The following NR6A1 variants were observed in gnomAD, a reference collection of about 807,000 sequenced individuals.
The protein encoded by NR6A1 is retinoic acid receptor-related testis-associated receptor.
Under a neutral mutation model 59.1 loss-of-function variants are expected in NR6A1, and 7 were observed. The ratio of observed to expected loss-of-function variants is 0.12; its 90% confidence interval spans 0.07 to 0.22. NR6A1 has a LOEUF of 0.22. Ranked by LOEUF, NR6A1 falls within the 10% of genes least tolerant of loss-of-function variation. NR6A1 has a pLI of 1.00. For synonymous variants in NR6A1, 243 were observed against 236.1 expected (o/e 1.03, Z -0.27); for missense variants, 468 against 611.6 (o/e 0.77, Z 2.48).
chr9:124,558,655 G>A (rs950920967), intron 2 of NR6A1, among the ~76,000 whole-genome samples: 2 of 152,138 alleles, frequency 1.3e-5, no homozygotes, highest in Non-Finnish European at 2.9e-5. Flanking sequence ...TTTTACAGAT[G>A]AGGAAATGGA....
chr9:124,666,908 T>C (rs1412678201), intron 2 of NR6A1, among the ~76,000 whole-genome samples: 4 of 152,144 alleles, frequency 2.6e-5, no homozygotes, highest in East Asian at 1.9e-4. Flanking sequence ...GGGGAAATAA[T>C]ACCACTTTAT....
At chr9:124,660,442 C>T (rs921103584) in intron 2 of NR6A1, among the ~76,000 whole-genome samples, 1 of 152,094 alleles carries the variant, frequency 6.6e-6, no homozygotes, top group Admixed American at 6.6e-5. Flanking sequence ...TTCGAAAAGT[C>T]CATTCATATA....
intron 2 of NR6A1, among the ~76,000 whole-genome samples, chr9:124,704,946 G>C (rs1487157059): frequency 1.3e-5 from 2 of 152,186 alleles, no homozygotes; most frequent in Admixed American, 1.3e-4. Flanking sequence ...ATGTTGCCCA[G>C]GCTGGTCTAG....
At chr9:124,692,041 T>C (rs557696830) in intron 2 of NR6A1, among the ~76,000 whole-genome samples, 2 of 152,320 alleles carry the variant, frequency 1.3e-5, no homozygotes, top group South Asian at 2.1e-4. Context: ...CTCCTGGCAA[T>C]GTAACTTTAG....
At chr9:124,731,620 A>G (rs939144178) in intron 2 of NR6A1, among the ~76,000 whole-genome samples, 11 of 151,966 alleles carry the variant, frequency 7.2e-5, no homozygotes, top group African/African-American at 2.7e-4. Context: ...AGCAAGACCA[A>G]CCCCTCTTTC....
intron 7 of NR6A1, among the ~76,000 whole-genome samples, chr9:124,535,162 G>A (rs1178045919): frequency 6.6e-6 from 1 of 151,966 alleles, no homozygotes; most frequent in East Asian, 1.9e-4. Context: ...CACACTATAG[G>A]CACCAAAATG....
intron 2 of NR6A1, among the ~76,000 whole-genome samples, chr9:124,681,437 G>A (rs1207825926): frequency 2.6e-5 from 4 of 151,060 alleles, no homozygotes; most frequent in South Asian, 2.1e-4. Flanking sequence ...CACCTTCCGG[G>A]TTCAGGCGAT....
At chr9:124,536,272 T>A in intron 6 of NR6A1, 140 bp from the exon 7 acceptor site, 1 of 945,248 alleles carries the variant, frequency 1.1e-6, no homozygotes, top group Admixed American at 2.3e-5. Flanking sequence ...TCCAGTTCCA[T>A]TCAGTGTGAT....
intron 2 of NR6A1, among the ~76,000 whole-genome samples, chr9:124,568,169 C>CAAAAA (rs34652433): frequency 0.011 from 332 of 30,444 alleles, 34 homozygotes; most frequent in African/African-American, 0.034. Context: ...TACTTCATCT[C>CAAAAA]AAAAAAAAAA....
At chr9:124,523,363 G>T (rs1479535940) in intron 9 of NR6A1, among the ~76,000 whole-genome samples, 1 of 152,190 alleles carries the variant, frequency 6.6e-6, no homozygotes, top group Non-Finnish European at 1.5e-5. Flanking sequence ...AGAGCATTCA[G>T]TGTGCTAATA....
intron 2 of NR6A1, among the ~76,000 whole-genome samples, chr9:124,621,734 G>C (rs1301707122): frequency 6.6e-6 from 1 of 152,118 alleles, no homozygotes. Context: ...AGTTTAATTT[G>C]AACATACTGT....
intron 2 of NR6A1, among the ~76,000 whole-genome samples, chr9:124,707,040 A>G (rs1839153943): frequency 6.6e-6 from 1 of 152,082 alleles, no homozygotes. Flanking sequence ...AAATCTGTAG[A>G]TTAATGTTTA....
intron 2 of NR6A1, chr9:124,595,878 G>A (rs1270524609): frequency 2.7e-5 from 32 of 1,201,610 alleles, no homozygotes; most frequent in Non-Finnish European, 3.4e-5. Context: ...ATTCCTCTAA[G>A]CCGGGACTAC....
At chr9:124,539,697 C>T (rs1466215708) in intron 5 of NR6A1, among the ~76,000 whole-genome samples, 1 of 152,100 alleles carries the variant, frequency 6.6e-6, no homozygotes, top group Non-Finnish European at 1.5e-5. Flanking sequence ...TAATTCAAAA[C>T]TGTCAAAAAG....
chr9:124,538,954 T>C lies in NR6A1; in HGVS notation c.597-635A>G, dbSNP rs1438291750. Among the ~76,000 whole-genome samples the C allele has an allele frequency of 2.0e-5, 3 of 150,648 alleles. No individual in the cohort carries two copies. In the East Asian group the frequency reaches 5.8e-4, roughly 29 times the overall value. ...CAGCCACAGTGGTGTGCACCTACAG[T>C]TTCAGCTACTTGGGAGGCTGAGGTG... On this transcript the variant is annotated intron_variant, in intron 5 of 9. Transcript: ENST00000487099.
intron 1 of NR6A1, among the ~76,000 whole-genome samples, chr9:124,745,400 A>G (rs2131158125): frequency 6.6e-6 from 1 of 152,324 alleles, no homozygotes; most frequent in South Asian, 2.1e-4. Context: ...GGCAGGGCAC[A>G]GCGGCTCACG....
At chr9:124,611,786 A>AGAGAGAAT (rs1835758452) in intron 2 of NR6A1, among the ~76,000 whole-genome samples, 1 of 151,684 alleles carries the variant, frequency 6.6e-6, no homozygotes, top group Admixed American at 6.6e-5. Context: ...AGAGAGAATG[A>AGAGAGAAT]GAGAGAATGA....
At chr9:124,640,705 C>A (rs1028866427) in intron 2 of NR6A1, among the ~76,000 whole-genome samples, 1 of 151,836 alleles carries the variant, frequency 6.6e-6, no homozygotes, top group Non-Finnish European at 1.5e-5. Flanking sequence ...ACCCCCAGTC[C>A]AATCTTTTTT....
chr9:124,692,245 T>G (rs1207872423), intron 2 of NR6A1, among the ~76,000 whole-genome samples: 1 of 152,206 alleles, frequency 6.6e-6, no homozygotes, highest in Non-Finnish European at 1.5e-5. Flanking sequence ...TTCAAAGACA[T>G]TTTCTCAGAC....
Sources: allele counts gnomAD v4.1 joint callset (sites outside exome capture counted in the v4.1 genomes callset), GRCh38; gene constraint gnomAD v4.1.1; transcripts MANE v1.5; gene names NCBI Gene and HGNC (gene_info 2026-07-23, HGNC 2026-07-21).